TSHZ1: variants seen among roughly 807,000 people sequenced by gnomAD.
The protein encoded by TSHZ1 is teashirt homolog 1.
A neutral mutation model predicts 67.1 loss-of-function variants in TSHZ1; 12 were observed. That is an observed-to-expected ratio of 0.18 (90% CI 0.11 to 0.29). TSHZ1 has a LOEUF of 0.29. Ranked by LOEUF, TSHZ1 falls within the 10% of genes least tolerant of loss-of-function variation. The probability of loss-of-function intolerance (pLI) is 1.00; values close to 1 mark genes in which losing one functional copy is unlikely to be tolerated. For missense variants in TSHZ1, 1,305 were observed against 1,413.9 expected (o/e 0.92, Z 1.23); for synonymous variants, 632 against 622.4 (o/e 1.02, Z -0.23).
At chr18:75,223,785 T>C (rs2022881466) in intron 1 of TSHZ1, among the ~76,000 whole-genome samples, 1 of 152,028 alleles carries the variant, frequency 6.6e-6, no homozygotes, top group Admixed American at 6.6e-5. Context: ...TAATCAATCT[T>C]CCAGAGAGAA....
chr18:75,225,611 C>G (rs952534689), intron 1 of TSHZ1, among the ~76,000 whole-genome samples: 2 of 152,108 alleles, frequency 1.3e-5, no homozygotes, highest in African/African-American at 4.8e-5. Context: ...CAAGTAGGGC[C>G]GACAATGAGA....
chr18:75,262,762 G>C (rs754645280), intron 1 of TSHZ1, among the ~76,000 whole-genome samples: 1 of 152,080 alleles, frequency 6.6e-6, no homozygotes, highest in Non-Finnish European at 1.5e-5. Context: ...TCCTCTTCCT[G>C]TGCCTTTTGA....
At chr18:75,237,391 G>C (rs760250741) in intron 1 of TSHZ1, among the ~76,000 whole-genome samples, 11 of 152,076 alleles carry the variant, frequency 7.2e-5, no homozygotes, top group Admixed American at 3.3e-4. Flanking sequence ...ATGTGGTGGT[G>C]CATGCCTGTA....
At position 75,234,588 on chromosome 18, in the gene TSHZ1, G is replaced by T. The variant is rs1044906334; in HGVS notation, c.40+22672G>T. Among the ~76,000 whole-genome samples, 591 of 150,610 alleles carry T rather than the reference G, an allele frequency of 3.9e-3. 1 individual carries two copies. The highest frequency in any genetic ancestry group is 7.3e-3 in the South Asian group (35 of 4,770). ...GGCTTCTGCATGGTTATTTGAAGGG[G>T]TTTTTTTTTCCCCCCATTAAATTTT... is the stretch of plus-strand genomic sequence containing the variant. On this transcript the variant is annotated intron_variant, in intron 1 of 1. Transcript: ENST00000580243.
At chr18:75,253,978 T>C (rs955759856) in intron 1 of TSHZ1, among the ~76,000 whole-genome samples, 1 of 152,234 alleles carries the variant, frequency 6.6e-6, no homozygotes, top group Non-Finnish European at 1.5e-5. Context: ...GCCTAATTCC[T>C]GTTGCGTAAT....
rs552950125 is a variant in TSHZ1, at chr18:75,266,715, G to A, written c.41-18733G>A. Among the ~76,000 whole-genome samples, 3 of 152,330 alleles carry A rather than the reference G, an allele frequency of 2.0e-5. No homozygotes were observed. In the East Asian group the frequency reaches 5.8e-4, roughly 29 times the overall value. The stretch of plus-strand genomic sequence containing the variant: ...GCCTGAGTCAAGAACTGTAGTTGTG[G>A]GCTCCTATAGATCACCTGCAGGAGC... On this transcript the variant is annotated intron_variant, in intron 1 of 1. Coordinates refer to ENST00000580243, the MANE Select transcript of TSHZ1 (RefSeq NM_001308210.2).
chr18:75,230,280 C>T (rs1256839264), intron 1 of TSHZ1, among the ~76,000 whole-genome samples: 2 of 152,208 alleles, frequency 1.3e-5, no homozygotes, highest in Non-Finnish European at 2.9e-5. Flanking sequence ...AGAAATTCAG[C>T]AGCTCCTGTC....
At chr18:75,269,536 A>C (rs2023532659) in intron 1 of TSHZ1, among the ~76,000 whole-genome samples, 1 of 152,184 alleles carries the variant, frequency 6.6e-6, no homozygotes, top group African/African-American at 2.4e-5. Flanking sequence ...GTCGAGGGGC[A>C]GCTGTCGGGT....
intron 1 of TSHZ1, among the ~76,000 whole-genome samples, chr18:75,255,802 C>T (rs982394047): frequency 2.6e-5 from 4 of 152,164 alleles, no homozygotes; most frequent in Admixed American, 6.5e-5. Flanking sequence ...AAATAGACCA[C>T]GTTTCTGCAT....
intron 1 of TSHZ1, among the ~76,000 whole-genome samples, chr18:75,224,737 A>G (rs2022898287): frequency 6.6e-6 from 1 of 152,020 alleles, no homozygotes; most frequent in Non-Finnish European, 1.5e-5. Context: ...TGCACACAGT[A>G]TAGGATACAG....
intron 1 of TSHZ1, among the ~76,000 whole-genome samples, chr18:75,280,580 C>T (rs1011139955): frequency 2.6e-5 from 4 of 152,212 alleles, no homozygotes; most frequent in Non-Finnish European, 4.4e-5. Flanking sequence ...GTCAGTGACT[C>T]GCTTTCAAAT....
intron 1 of TSHZ1, among the ~76,000 whole-genome samples, chr18:75,215,824 G>A (rs1459069696): frequency 6.6e-6 from 1 of 152,226 alleles, no homozygotes; most frequent in Non-Finnish European, 1.5e-5. Flanking sequence ...CACACAGGTT[G>A]TAATCCCACG....
chr18:75,216,068 G>A (rs1272843671), intron 1 of TSHZ1, among the ~76,000 whole-genome samples: 1 of 152,154 alleles, frequency 6.6e-6, no homozygotes, highest in African/African-American at 2.4e-5. Context: ...GGCGCCGCCT[G>A]CGTATGCTTT....
At chr18:75,236,381 T>A (rs9960115) in intron 1 of TSHZ1, among the ~76,000 whole-genome samples, 5,745 of 152,272 alleles carry the variant, frequency 0.038, 141 homozygotes, top group African/African-American at 0.07. Context: ...GGGAAGGGGC[T>A]GGACAAGAAG....
Position 75,286,056 on chromosome 18 carries a change from C to A in TSHZ1, c.649C>A (p.Leu217Ile). The A allele has an allele frequency of 6.2e-7, 1 of 1,613,454 alleles. No homozygotes were observed. The change falls in exon 2 of 2, where the codon CTT (leucine) becomes ATT (isoleucine). Residue 217 changes from leucine to isoleucine, a missense_variant. Leu to Ile is a conservative substitution (Grantham distance 5, BLOSUM62 2). This residue lies in a region of TSHZ1 where 358 missense variants were observed against 375.6 expected (regional missense o/e 0.95). Transcript: ENST00000580243. The surrounding 1 kb of genome is among the most constrained non-coding windows in gnomAD (Gnocchi z 5.1). ...GCAGCAGACGTCCTCGTATGGGCTG[C>A]TTCCTGAGCCCAGCCTGTTCAGCAC... is the stretch of plus-strand genomic sequence containing the variant. ...TLQQTSSYGL[L>I]PEPSLFSTVQ...
intron 1 of TSHZ1, among the ~76,000 whole-genome samples, chr18:75,263,119 A>G (rs2023450227): frequency 6.6e-6 from 1 of 152,164 alleles, no homozygotes; most frequent in African/African-American, 2.4e-5. Flanking sequence ...CATACTATTC[A>G]GTATGCAGGT....
intron 1 of TSHZ1, among the ~76,000 whole-genome samples, chr18:75,273,339 C>T (rs1568365893): frequency 1.3e-5 from 2 of 152,188 alleles, no homozygotes; most frequent in Non-Finnish European, 2.9e-5. Context: ...AGAAAACAAA[C>T]CTAATTGCTC....
In TSHZ1 at chr18:75,222,798, G is replaced by A. The variant is rs548851027; in HGVS notation, c.40+10882G>A. On this transcript the variant is annotated intron_variant, in intron 1 of 1. Transcript: ENST00000580243. The stretch of plus-strand genomic sequence containing the variant: ...CGTGTACGTGGTAACCTAATCCCAA[G>A]GTTCTCAAGCAATTTTCTGAAAGTA... Among the ~76,000 whole-genome samples, 4 of 152,242 alleles carry A rather than the reference G, an allele frequency of 2.6e-5. No homozygotes were observed. In the East Asian group the frequency reaches 7.7e-4, roughly 29 times the overall value.
chr18:75,229,243 C>A (rs2022965132), intron 1 of TSHZ1, among the ~76,000 whole-genome samples: 1 of 152,264 alleles, frequency 6.6e-6, no homozygotes, highest in Non-Finnish European at 1.5e-5. Context: ...GTGGCTTGCA[C>A]TGCAGAGCCT....
Sources: allele counts gnomAD v4.1 joint callset (sites outside exome capture counted in the v4.1 genomes callset), GRCh38; gene constraint gnomAD v4.1.1; regional missense constraint gnomAD v4.1.1; non-coding constraint Gnocchi (gnomAD v3.1); transcripts MANE v1.5; gene names NCBI Gene and HGNC (gene_info 2026-07-23, HGNC 2026-07-21).